Variants in RNF103 observed in about 807,000 individuals in gnomAD.
RNF103 encodes E3 ubiquitin-protein ligase RNF103.
RNF103 carries 23 observed loss-of-function variants against 66.2 expected under a neutral mutation model. That is an observed-to-expected ratio of 0.35 (90% CI 0.25 to 0.49). The LOEUF is 0.49. RNF103 is among the 20% of genes least tolerant of loss of function. The pLI is 0.98. For missense variants in RNF103, 730 were observed against 814.7 expected (o/e 0.90, Z 1.27); for synonymous variants, 297 against 289.9 (o/e 1.02, Z -0.25).
Position 86,622,658 on chromosome 2 carries a change from C to T in RNF103, c.226+3G>A. ...GGGACCCTAGGGGAAGCCCGATACTCGCCTGACTTTTCCACCAGCTCCCGG... is the reference window on the plus strand; with the variant it reads ...GGGACCCTAGGGGAAGCCCGATACTTGCCTGACTTTTCCACCAGCTCCCGG... On this transcript the variant is annotated splice_donor_region_variant and intron_variant, in intron 1 of 3. Transcript: ENST00000237455. 10 of 1,614,000 alleles carry T rather than the reference C, an allele frequency of 6.2e-6. No individual in the cohort carries two copies. Among genetic ancestry groups the T allele is most frequent in the South Asian group, 1.1e-5 (1 of 91,078 alleles).
intron 1 of RNF103, among the ~76,000 whole-genome samples, chr2:86,621,817 T>G (rs183676038): frequency 1.3e-5 from 2 of 152,230 alleles, no homozygotes; most frequent in African/African-American, 4.8e-5. Flanking sequence ...TTTCAGGAAG[T>G]ATATCCAAAG....
In RNF103 at chr2:86,603,452, G is replaced by A; in HGVS notation, c.*391C>T. ...GTCTGTTTTAATTTCATGTCTCACAGCATACATTATTTAACCAAGAGGTGC... is the reference window on the plus strand; with the variant it reads ...GTCTGTTTTAATTTCATGTCTCACAACATACATTATTTAACCAAGAGGTGC... On this transcript the variant is annotated 3_prime_UTR_variant, in exon 4 of 4. Transcript: ENST00000237455. The A allele has an allele frequency of 5.7e-6, 1 of 176,122 alleles. No homozygotes were observed. The highest frequency in any genetic ancestry group is 1.2e-5 in the Non-Finnish European group (1 of 83,750). 10.9% of individuals were successfully genotyped at this position (176,122 alleles called of 1,614,324 possible).
intron 2 of RNF103, among the ~76,000 whole-genome samples, chr2:86,616,049 A>T (rs913257061): frequency 6.6e-6 from 1 of 152,236 alleles, no homozygotes; most frequent in Non-Finnish European, 1.5e-5. Context: ...ACCTGTACCA[A>T]GATGTTTTCT....
At chr2:86,618,135 T>A in intron 2 of RNF103, 1 of 296,024 alleles carries the variant, frequency 3.4e-6, no homozygotes, top group South Asian at 2.7e-5. Context: ...TAAAAATATT[T>A]TCAGAGAAAA....
In RNF103 at chr2:86,622,754, A is replaced by G. The variant is rs978260302; in HGVS notation, c.133T>C (p.Phe45Leu). Residue 45 changes from phenylalanine to leucine, a missense_variant, in exon 1 of 4, where the codon TTC (phenylalanine) becomes CTC (leucine). Physicochemically the swap from Phe to Leu is conservative, Grantham distance 22 (BLOSUM62 0). This residue lies in a region of RNF103 where 327 missense variants were observed against 369.8 expected (regional missense o/e 0.88). Coordinates refer to ENST00000237455, the MANE Select transcript of RNF103 (RefSeq NM_005667.4). The stretch of plus-strand genomic sequence containing the variant: ...TCCAAAATGGTCTTCAGCTTCTTGA[A>G]GCTCAGCGCCACCGGATCCACCAGC... ...TQLVDPVALS[F>L]KKLKTILECR... is the part of the protein sequence containing the mutation. 1.9e-6 allele frequency: 3 copies of G among 1,614,150 alleles called. No individual in the cohort carries two copies. The highest frequency in any genetic ancestry group is 2.5e-6 in the Non-Finnish European group (3 of 1,180,008).
At chr2:86,612,010 A>G in intron 3 of RNF103, 149 bp downstream of exon 3, 1 of 488,188 alleles carries the variant, frequency 2.0e-6, no homozygotes, top group African/African-American at 2.0e-5. Context: ...GTTTATCAAA[A>G]ACCATTAATC....
chr2:86,616,365 C>T (rs308903), intron 2 of RNF103: 275,283 of 504,470 alleles, frequency 0.55, 76,119 homozygotes, highest in East Asian at 0.87. Context: ...CATAAGCCAA[C>T]CTAGTATATA....
rs560750508 is a variant in RNF103 at position 86,623,840 on chromosome 2, G to T, written c.-954C>A. 1.2e-5 allele frequency: 16 copies of T among 1,287,936 alleles called. No individual in the cohort carries two copies. Among genetic ancestry groups the T allele is most frequent in the African/African-American group, 3.0e-5 (2 of 65,622 alleles). The allele number at this position is 1,287,936 out of a possible 1,614,324, so 79.8% of individuals were successfully genotyped here. A position where few individuals can be genotyped will look rare whatever the true frequency, so the allele number is the denominator to read the frequency against. On this transcript the variant is annotated 5_prime_UTR_variant, in exon 1 of 4. Coordinates refer to ENST00000237455, the MANE Select transcript of RNF103 (RefSeq NM_005667.4). Reference sequence around the variant, plus strand: ...CCCTCCACAACCGTGTATCAGCGGCGGCCGCGGCCGGAGCCGAGACATAAC... The same window carrying T: ...CCCTCCACAACCGTGTATCAGCGGCTGCCGCGGCCGGAGCCGAGACATAAC...
intron 2 of RNF103, chr2:86,616,683 G>A: frequency 1.0e-6 from 1 of 985,360 alleles, no homozygotes; most frequent in Non-Finnish European, 1.2e-6. Flanking sequence ...TTGACCCAAA[G>A]CTTTATTTTA....
chr2:86,623,486 GAA>G lies in RNF103; in HGVS notation c.-602_-601del. The stretch of plus-strand genomic sequence containing the variant: ...GAGCGGCCGCCGCAACGCCGCGCCC[GAA>G]GCCCAGGCCCCAGGCCCCGCCGACC... On this transcript the variant is annotated 5_prime_UTR_variant, in exon 1 of 4. Transcript: ENST00000237455. The G allele has an allele frequency of 1.0e-6, 1 of 982,738 alleles. No homozygotes were observed. The highest frequency in any genetic ancestry group is 1.8e-5 in the African/African-American group (1 of 57,066). 60.9% of individuals were successfully genotyped at this position (982,738 alleles called of 1,614,324 possible).
In RNF103 at chr2:86,604,491, A is replaced by G; in HGVS notation, c.1410T>C (p.Ile470=). The G allele has an allele frequency of 6.2e-7, 1 of 1,614,270 alleles. No individual in the cohort carries two copies. Among genetic ancestry groups the G allele is most frequent in the Non-Finnish European group, 8.5e-7 (1 of 1,180,054 alleles). ...CTACAGGAAAGTTCTGAAAAGAAGC[A>G]ATCGGGTGGAAGAGGTAGCTGGTGT... ...DWYTSYLFHP[I]ASFQNFPVES... The change falls in exon 4 of 4, where the codon ATT becomes ATC. Residue 470 remains isoleucine, a synonymous_variant. Coordinates refer to ENST00000237455, the MANE Select transcript of RNF103 (RefSeq NM_005667.4).
At chr2:86,614,977 G>A in intron 2 of RNF103, 1 of 985,434 alleles carries the variant, frequency 1.0e-6, no homozygotes, top group South Asian at 4.7e-5. Context: ...TAAATATTTA[G>A]TTCCTAAGTC....
intron 1 of RNF103, 23 bp downstream of exon 1, chr2:86,622,638 C>G (rs771704968): frequency 1.2e-6 from 2 of 1,613,092 alleles, no homozygotes; most frequent in Non-Finnish European, 8.5e-7. Flanking sequence ...TGGAGGGGAC[C>G]CTAGGGGAAG....
In RNF103 at chr2:86,623,238, G is replaced by A. The variant is rs1679303172; in HGVS notation, c.-352C>T. 4.0e-6 allele frequency: 4 copies of A among 1,009,400 alleles called. No homozygotes were observed. Among genetic ancestry groups the A allele is most frequent in the Admixed American group, 6.1e-5 (1 of 16,488 alleles). The allele number at this position is 1,009,400 out of a possible 1,614,324, so 62.5% of individuals were successfully genotyped here. On this transcript the variant is annotated 5_prime_UTR_variant, in exon 1 of 4. Transcript: ENST00000237455. The stretch of plus-strand genomic sequence containing the variant: ...GAACAAAACGAGGGACGCTTCCCCC[G>A]GGGCGGGCACTGACCCAGGTGGCGG...
At chr2:86,611,720 A>AT (rs1342490854) in intron 3 of RNF103, among the ~76,000 whole-genome samples, 1 of 152,194 alleles carries the variant, frequency 6.6e-6, no homozygotes, top group East Asian at 1.9e-4. Flanking sequence ...GGAAAAGAAT[A>AT]TATCTAGGGA....
chr2:86,623,575 TGGCGGGCGGCGCCTCTCA>T lies in RNF103; in HGVS notation c.-707_-690del, dbSNP rs1202375901. ...CGGCTCCAGGTTCGCTCGGGCCGGCTGGCGGGCGGCGCCTCTCAGGCGGGCGGGCACTGCGGCCCGGCC... is the reference window on the plus strand; with the variant it reads ...CGGCTCCAGGTTCGCTCGGGCCGGCTGGCGGGCGGGCACTGCGGCCCGGCC... On this transcript the variant is annotated 5_prime_UTR_variant, in exon 1 of 4. Coordinates refer to ENST00000237455, the MANE Select transcript of RNF103 (RefSeq NM_005667.4). The T allele has an allele frequency of 4.0e-6, 4 of 997,616 alleles. No individual in the cohort carries two copies. Among genetic ancestry groups the T allele is most frequent in the East Asian group, 1.1e-4 (1 of 8,768 alleles). 61.8% of individuals were successfully genotyped at this position (997,616 alleles called of 1,614,324 possible).
intron 2 of RNF103, 30 bp downstream of exon 2, chr2:86,620,300 G>T: frequency 6.4e-7 from 1 of 1,560,052 alleles, no homozygotes; most frequent in South Asian, 1.2e-5. Flanking sequence ...TAGGGCTCTC[G>T]AATTATCAAA....
At chr2:86,622,612 C>T (rs1328976774) in intron 1 of RNF103, 49 bp downstream of exon 1, 1 of 1,556,858 alleles carries the variant, frequency 6.4e-7, no homozygotes, top group Non-Finnish European at 8.9e-7. Context: ...AGGTACAGGT[C>T]GTCCCCTCTC....
intron 2 of RNF103, 127 bp from the exon 3 acceptor site, chr2:86,612,401 T>A (rs575528122): frequency 5.0e-6 from 3 of 603,992 alleles, no homozygotes; most frequent in Non-Finnish European, 8.7e-6. Context: ...GTTTACTGTA[T>A]CATCACATTA....
Sources: gnomAD v4.1 joint callset for allele counts (sites outside exome capture counted in the v4.1 genomes callset) on GRCh38, gnomAD v4.1.1 for gene constraint, gnomAD v4.1.1 regional missense constraint, MANE v1.5 for transcripts, NCBI Gene and HGNC (gene_info 2026-07-23, HGNC 2026-07-21) for gene names.